SDK1: variants seen among roughly 807,000 people sequenced by gnomAD.
SDK1 encodes protein sidekick-1.
Under a neutral mutation model 245.5 loss-of-function variants are expected in SDK1, and 157 were observed. That is an observed-to-expected ratio of 0.64 (90% confidence interval 0.56 to 0.73). The LOEUF (loss-of-function observed/expected upper bound fraction) is 0.73. Among genes scored for constraint, SDK1 ranks in the 30% least tolerant of loss-of-function variants. The pLI, the probability that SDK1 is intolerant of heterozygous loss-of-function variation, is 0.00. For synonymous variants in SDK1, 1,647 were observed against 1,278.5 expected (o/e 1.29, Z -6.15); for missense variants, 3,583 against 3,002.3 (o/e 1.19, Z -4.52).
chr7:3,748,398 T>A (rs1298457779), intron 4 of SDK1, among the ~76,000 whole-genome samples: 1 of 152,250 alleles, frequency 6.6e-6, no homozygotes, highest in Non-Finnish European at 1.5e-5. Flanking sequence ...GAACATTTCA[T>A]TGAATAGCCT....
intron 25 of SDK1, among the ~76,000 whole-genome samples, chr7:4,120,748 C>T (rs1784004028): frequency 6.6e-6 from 1 of 152,006 alleles, no homozygotes; most frequent in Admixed American, 6.5e-5. Context: ...TCCCAAGTAG[C>T]TGGGATTACA....
chr7:3,804,585 T>G (rs1396942466), intron 4 of SDK1, among the ~76,000 whole-genome samples: 1 of 152,224 alleles, frequency 6.6e-6, no homozygotes, highest in East Asian at 1.9e-4. Context: ...TTAGAATATT[T>G]TCTCTATAGG....
chr7:4,072,242 G>T (rs756506732), intron 20 of SDK1, among the ~76,000 whole-genome samples: 12 of 152,220 alleles, frequency 7.9e-5, no homozygotes, highest in Non-Finnish European at 1.3e-4. Context: ...GGAGGTGCCT[G>T]TGCTGTCAGG....
chr7:3,345,022 T>C (rs1209184925), intron 1 of SDK1, among the ~76,000 whole-genome samples: 1 of 152,244 alleles, frequency 6.6e-6, no homozygotes, highest in Non-Finnish European at 1.5e-5. Context: ...ACTGTTGTGC[T>C]TTATTACAGA....
intron 4 of SDK1, among the ~76,000 whole-genome samples, chr7:3,772,508 G>A (rs181193352): frequency 6.6e-6 from 1 of 152,022 alleles, no homozygotes; most frequent in Non-Finnish European, 1.5e-5. Flanking sequence ...AAAATGTGGG[G>A]TTAAAAACCA....
chr7:3,522,375 C>G (rs979319402), intron 1 of SDK1, among the ~76,000 whole-genome samples: 2 of 152,136 alleles, frequency 1.3e-5, no homozygotes, highest in African/African-American at 2.4e-5. Context: ...AAGTGAAATT[C>G]CAGTCTTTAA....
chr7:3,790,046 G>A (rs972944348), intron 4 of SDK1, among the ~76,000 whole-genome samples: 8 of 152,058 alleles, frequency 5.3e-5, no homozygotes, highest in African/African-American at 1.9e-4. Flanking sequence ...GTTATTCAGC[G>A]GAGAAGTTGA....
chr7:3,421,741 C>A (rs566471296), intron 1 of SDK1, among the ~76,000 whole-genome samples: 88 of 152,126 alleles, frequency 5.8e-4, no homozygotes, highest in Non-Finnish European at 1.2e-3. Flanking sequence ...GATGTTATGT[C>A]AAAAGTCATA....
chr7:4,180,684 G>T (rs1318204839), intron 35 of SDK1, among the ~76,000 whole-genome samples: 1 of 152,246 alleles, frequency 6.6e-6, no homozygotes, highest in African/African-American at 2.4e-5. Flanking sequence ...GAAGCATGGT[G>T]GTCTCTGCTT....
chr7:3,663,077 T>A (rs565804640), intron 4 of SDK1, among the ~76,000 whole-genome samples: 1 of 152,322 alleles, frequency 6.6e-6, no homozygotes, highest in East Asian at 1.9e-4. Flanking sequence ...CATTTTGGAC[T>A]TTGAAGGAGT....
chr7:4,175,092 A>T (rs1169281201), intron 33 of SDK1, among the ~76,000 whole-genome samples: 1 of 152,138 alleles, frequency 6.6e-6, no homozygotes, highest in African/African-American at 2.4e-5. Context: ...TCACGCGCCA[A>T]TGCCAGCCGC....
intron 1 of SDK1, among the ~76,000 whole-genome samples, chr7:3,513,503 AAG>A (rs1249918986): frequency 6.6e-6 from 1 of 152,210 alleles, no homozygotes; most frequent in Non-Finnish European, 1.5e-5. Flanking sequence ...ATAAGACACA[AAG>A]AAGAATTAAG....
chr7:3,895,293 A>T (rs552342709), intron 5 of SDK1, among the ~76,000 whole-genome samples: 1 of 152,274 alleles, frequency 6.6e-6, no homozygotes, highest in African/African-American at 2.4e-5. Flanking sequence ...TTCATAGCTT[A>T]TTGGTGCTTT....
At chr7:3,310,387 A>G (rs1779521875) in intron 1 of SDK1, among the ~76,000 whole-genome samples, 2 of 152,206 alleles carry the variant, frequency 1.3e-5, no homozygotes, top group Non-Finnish European at 2.9e-5. Context: ...GACTGTAACA[A>G]CAATTGAGGT....
chr7:3,726,976 G>C (rs1241562133), intron 4 of SDK1, among the ~76,000 whole-genome samples: 1 of 152,226 alleles, frequency 6.6e-6, no homozygotes, highest in East Asian at 1.9e-4. Flanking sequence ...TAATCAAACT[G>C]TAATTGCCTG....
chr7:3,602,644 T>G (rs6462188), intron 1 of SDK1, among the ~76,000 whole-genome samples: 98,734 of 150,398 alleles, frequency 0.66, 32,976 homozygotes, highest in South Asian at 0.79. Flanking sequence ...CACTCTGATG[T>G]TAGTTTCTTT....
chr7:3,581,487 CA>C (rs1310437255), intron 1 of SDK1, among the ~76,000 whole-genome samples: 13 of 152,056 alleles, frequency 8.5e-5, no homozygotes, highest in Non-Finnish European at 1.6e-4. Flanking sequence ...CATTAAAAGT[CA>C]AAAAATAACA....
At chr7:4,076,974 T>C (rs758735991) in intron 20 of SDK1, 24 bp from the exon 21 acceptor site, 9 of 1,608,912 alleles carry the variant, frequency 5.6e-6, no homozygotes, top group Middle Eastern at 1.7e-4. Context: ...AGACCAACAC[T>C]GGTCTGGTCC....
intron 1 of SDK1, among the ~76,000 whole-genome samples, chr7:3,343,119 T>G (rs1447452998): frequency 6.6e-6 from 1 of 152,074 alleles, no homozygotes; most frequent in Non-Finnish European, 1.5e-5. Flanking sequence ...CGGTTTCTTA[T>G]AAAACTAAAC....
Sources: gnomAD v4.1 joint callset for allele counts (sites outside exome capture counted in the v4.1 genomes callset) on GRCh38, gnomAD v4.1.1 for gene constraint, MANE v1.5 for transcripts, NCBI Gene and HGNC (gene_info 2026-07-23, HGNC 2026-07-21) for gene names.